The following KCNK1 variants were observed in gnomAD, a reference collection of about 807,000 sequenced individuals.
KCNK1 encodes the protein potassium two pore domain channel subfamily K member 1.
In KCNK1, 10 loss-of-function variants were observed where a neutral mutation model predicts 22.2. The observed-to-expected ratio is 0.45, with a 90% CI of 0.28 to 0.76. The LOEUF is 0.76. Ranked by LOEUF, KCNK1 falls within the 30% of genes least tolerant of loss-of-function variation. The pLI, the probability that KCNK1 is intolerant of heterozygous loss-of-function variation, is 0.14. For missense variants in KCNK1, 378 were observed against 421.0 expected (o/e 0.90, Z 0.89); for synonymous variants, 200 against 186.4 (o/e 1.07, Z -0.60).
intron 1 of KCNK1, among the ~76,000 whole-genome samples, chr1:233,615,044 G>A (rs1453678001): frequency 6.6e-6 from 1 of 152,224 alleles, no homozygotes; most frequent in Non-Finnish European, 1.5e-5. Flanking sequence ...CTTCCGGAGT[G>A]TGCCGTCCCT....
At chr1:233,648,563 C>CT (rs879377583) in intron 1 of KCNK1, among the ~76,000 whole-genome samples, 41 of 146,416 alleles carry the variant, frequency 2.8e-4, no homozygotes, top group Middle Eastern at 3.5e-3. Context: ...TGCTTGCTTG[C>CT]TTTTTTTTTT....
Position 233,614,300 on chromosome 1 carries a change from G to C in KCNK1, c.129G>C (p.Ser43=). Residue 43 remains serine (S), a synonymous_variant, in exon 1 of 3, where the codon TCG becomes TCC. Transcript: ENST00000366621. ...TCTTCGGCGCAGTGGTCTTCTCCTC[G>C]GTGGAGCTGCCCTATGAGGACCTGC... ...YLVFGAVVFS[S]VELPYEDLLR... is the part of the protein sequence containing the mutation. 1 of 1,613,000 alleles carries C rather than the reference G, an allele frequency of 6.2e-7. No individual in the cohort carries two copies. Among genetic ancestry groups the C allele is most frequent in the Non-Finnish European group, 8.5e-7 (1 of 1,179,700 alleles).
chr1:233,652,619 G>A (rs1658221641), intron 1 of KCNK1, among the ~76,000 whole-genome samples: 1 of 152,148 alleles, frequency 6.6e-6, no homozygotes, highest in Non-Finnish European at 1.5e-5. Flanking sequence ...GAGTTAACAA[G>A]TAACAAACAT....
intron 1 of KCNK1, among the ~76,000 whole-genome samples, chr1:233,654,152 A>C (rs946098697): frequency 1.3e-4 from 20 of 151,318 alleles, no homozygotes; most frequent in African/African-American, 4.8e-4. Flanking sequence ...AAGGTCTCAG[A>C]GGGAAATGAG....
intron 1 of KCNK1, among the ~76,000 whole-genome samples, chr1:233,657,714 AAGAG>A (rs796568736): frequency 1.1e-4 from 16 of 151,770 alleles, no homozygotes; most frequent in South Asian, 1.0e-3. Flanking sequence ...TAAAGAAAGA[AAGAG>A]AGAGAGAGAG....
chr1:233,661,382 C>T (rs1266298915), intron 1 of KCNK1, among the ~76,000 whole-genome samples: 1 of 152,190 alleles, frequency 6.6e-6, no homozygotes, highest in Non-Finnish European at 1.5e-5. Flanking sequence ...CATGTCCCAA[C>T]TAGGAATGCC....
intron 1 of KCNK1, among the ~76,000 whole-genome samples, chr1:233,664,744 T>C (rs76497181): frequency 0.013 from 1,923 of 152,292 alleles, 44 homozygotes; most frequent in African/African-American, 0.044. Context: ...CACACACACT[T>C]GTATAAGCCT....
chr1:233,667,459 G>A (rs987117646), intron 2 of KCNK1, among the ~76,000 whole-genome samples: 16 of 152,170 alleles, frequency 1.1e-4, no homozygotes, highest in Admixed American at 1.3e-4. Flanking sequence ...GGCCGGGCGC[G>A]GTGGCTCACG....
At position 233,666,131 on chromosome 1, in the gene KCNK1, TTC is replaced by T. The variant is rs1472064173; in HGVS notation, c.356-462_356-461del. Among the ~76,000 whole-genome samples, 5 of 152,210 alleles carry T rather than the reference TTC, an allele frequency of 3.3e-5. No homozygotes were observed. In the East Asian group the frequency reaches 9.6e-4, roughly 29 times the overall value. ...TTTGTCAGTCATTCCTGTTAGAACA[TTC>T]TGAGTAGTTTGGGAGGTGAGTGTAG... is the stretch of plus-strand genomic sequence containing the variant. On this transcript the variant is annotated intron_variant, in intron 1 of 2. Transcript: ENST00000366621.
chr1:233,642,637 T>C (rs537503639), intron 1 of KCNK1, among the ~76,000 whole-genome samples: 32 of 152,290 alleles, frequency 2.1e-4, no homozygotes, highest in Non-Finnish European at 3.5e-4. Flanking sequence ...GATCTGCCCT[T>C]TAGCCTGTGG....
intron 1 of KCNK1, among the ~76,000 whole-genome samples, chr1:233,662,241 T>C (rs887497246): frequency 1.1e-4 from 3 of 27,374 alleles, no homozygotes; most frequent in Non-Finnish European, 1.7e-4. Context: ...TTCTTCTCCT[T>C]CTTCTTCTTC....
At chr1:233,644,459 T>A (rs1658055312) in intron 1 of KCNK1, among the ~76,000 whole-genome samples, 1 of 152,184 alleles carries the variant, frequency 6.6e-6, no homozygotes, top group African/African-American at 2.4e-5. Context: ...CCCATTTTAG[T>A]TGGGAAGGCA....
chr1:233,668,490 A>G (rs554929485), intron 2 of KCNK1, among the ~76,000 whole-genome samples: 2 of 152,270 alleles, frequency 1.3e-5, no homozygotes, highest in African/African-American at 4.8e-5. Flanking sequence ...TACCATAGGT[A>G]TTATTTTTAG....
rs542961421 is a variant in KCNK1, at chr1:233,620,781, C to T, written c.355+6255C>T. ...ATATAAGAAATTACAGAGGGAAAGG[C>T]ACAGCTATGGGGAAATAGACATGGC... On this transcript the variant is annotated intron_variant, in intron 1 of 2. Transcript: ENST00000366621. Among the ~76,000 whole-genome samples the T allele has an allele frequency of 1.0e-3, 154 of 152,052 alleles. 3 individuals are homozygous for T. The South Asian group carries it at 0.032, about 31-fold the overall frequency.
At position 233,672,096 on chromosome 1, in the gene KCNK1, A is replaced by C. The variant is rs1477394177; in HGVS notation, c.*566A>C. On this transcript the variant is annotated 3_prime_UTR_variant, in exon 3 of 3. Coordinates refer to ENST00000366621, the MANE Select transcript of KCNK1 (RefSeq NM_002245.4). ...ATAAATATGTTTATATTCTGTACAT[A>C]TGGTTTAGGTCACCAGATCCTAGTG... 1 of 153,392 alleles carries C rather than the reference A, an allele frequency of 6.5e-6. No individual in the cohort carries two copies. The highest frequency in any genetic ancestry group is 6.5e-5 in the Admixed American group (1 of 15,386). The allele number at this position is 153,392 out of a possible 1,614,324, so 9.5% of individuals were successfully genotyped here. A position where few individuals can be genotyped will look rare whatever the true frequency, so the allele number is the denominator to read the frequency against.
chr1:233,626,866 G>A (rs558646063), intron 1 of KCNK1, among the ~76,000 whole-genome samples: 28 of 152,024 alleles, frequency 1.8e-4, no homozygotes, highest in Non-Finnish European at 3.2e-4. Context: ...TGATATAATC[G>A]TTTAATAAAA....
intron 1 of KCNK1, among the ~76,000 whole-genome samples, chr1:233,646,559 T>C (rs1000041845): frequency 1.8e-4 from 27 of 149,588 alleles, no homozygotes; most frequent in Admixed American, 5.3e-4. Context: ...TATTATTATT[T>C]TGGTAGGCCA....
chr1:233,623,022 A>C (rs1325611600), intron 1 of KCNK1, among the ~76,000 whole-genome samples: 1 of 152,132 alleles, frequency 6.6e-6, no homozygotes, highest in African/African-American at 2.4e-5. Flanking sequence ...GAACTCAGAG[A>C]GAGTCGGTGA....
intron 1 of KCNK1, among the ~76,000 whole-genome samples, chr1:233,628,928 A>G (rs996412763): frequency 3.3e-5 from 5 of 151,890 alleles, no homozygotes; most frequent in African/African-American, 1.2e-4. Flanking sequence ...TGAACTGGGG[A>G]TTGGTGGCCT....
Sources: allele counts gnomAD v4.1 joint callset (sites outside exome capture counted in the v4.1 genomes callset), GRCh38; gene constraint gnomAD v4.1.1; transcripts MANE v1.5; gene names NCBI Gene and HGNC (gene_info 2026-07-23, HGNC 2026-07-21).